The following NEK11 variants were observed in gnomAD, a reference collection of about 807,000 sequenced individuals.
The protein encoded by NEK11 is serine/threonine-protein kinase Nek11.
Under a neutral mutation model 80.7 loss-of-function variants are expected in NEK11, and 72 were observed. The observed-to-expected ratio is 0.89, with a 90% CI of 0.74 to 1.08. The LOEUF is 1.08. Ranked by LOEUF, NEK11 falls within the 50% of genes least tolerant of loss-of-function variation. The probability of loss-of-function intolerance (pLI) is 0.00; values close to 1 mark genes in which losing one functional copy is unlikely to be tolerated. For missense variants in NEK11, 764 were observed against 763.6 expected, an observed-to-expected ratio of 1.00 and a Z score of -0.01; for synonymous variants, 251 against 260.7, an observed-to-expected ratio of 0.96 and a Z score of 0.36.
intron 17 of NEK11, among the ~76,000 whole-genome samples, chr3:131,318,595 A>G (rs1005574251): frequency 1.7e-4 from 26 of 152,102 alleles, no homozygotes; most frequent in Admixed American, 8.5e-4. Flanking sequence ...CTGTCCTGGC[A>G]TTAAAAAGAA....
At chr3:131,241,859 G>A (rs1363636809) in intron 15 of NEK11, among the ~76,000 whole-genome samples, 1 of 152,072 alleles carries the variant, frequency 6.6e-6, no homozygotes, top group African/African-American at 2.4e-5. Context: ...ATGTGTGTGT[G>A]TTTGTATTAA....
In NEK11 at chr3:131,034,425, A is replaced by T. The variant is rs186804352; in HGVS notation, c.170+4547A>T. On this transcript the variant is annotated intron_variant, in intron 3 of 17. Coordinates refer to ENST00000383366, the MANE Select transcript of NEK11 (RefSeq NM_024800.5). ...TTTAAATTTTTTTTTTTTGAGTCGGAGTCTCGATTTGTCACCCAGGCTGGA... is the reference window on the plus strand; with the variant it reads ...TTTAAATTTTTTTTTTTTGAGTCGGTGTCTCGATTTGTCACCCAGGCTGGA... Among the ~76,000 whole-genome samples the T allele has an allele frequency of 7.9e-4, 119 of 151,298 alleles. 2 individuals are homozygous for T. The highest frequency in any genetic ancestry group is 7.8e-3 in the Admixed American group (119 of 15,206).
chr3:131,165,143 G>A (rs2092080592), intron 11 of NEK11: 2 of 333,272 alleles, frequency 6.0e-6, no homozygotes, highest in Admixed American at 8.8e-5. Context: ...ACATAGCCCT[G>A]TCATTGCACT....
chr3:131,186,906 A>G (rs2150232778), intron 14 of NEK11, among the ~76,000 whole-genome samples: 1 of 152,306 alleles, frequency 6.6e-6, no homozygotes, highest in East Asian at 1.9e-4. Flanking sequence ...GGGATTTGTT[A>G]TCCACTCTAC....
chr3:131,124,081 G>A (rs746416860), intron 5 of NEK11, among the ~76,000 whole-genome samples: 5 of 152,106 alleles, frequency 3.3e-5, no homozygotes, highest in South Asian at 4.2e-4. Flanking sequence ...ACACGACCAC[G>A]TATCCCGCCT....
intron 10 of NEK11, among the ~76,000 whole-genome samples, chr3:131,159,220 A>G (rs1464615168): frequency 2.0e-5 from 3 of 152,174 alleles, no homozygotes; most frequent in Non-Finnish European, 4.4e-5. Context: ...AACTCAAAAA[A>G]CCAGACTGCC....
In NEK11 at chr3:131,120,957, C is replaced by T. The variant is rs533573069; in HGVS notation, c.455+11036C>T. Among the ~76,000 whole-genome samples, 33 of 152,158 alleles carry T rather than the reference C, an allele frequency of 2.2e-4. No individual in the cohort carries two copies. In the South Asian group the frequency reaches 6.8e-3, roughly 32 times the overall value. On this transcript the variant is annotated intron_variant, in intron 5 of 17. Transcript: ENST00000383366. The stretch of plus-strand genomic sequence containing the variant: ...TTTAGCTCGGGGAAGTTTGTTATTA[C>T]CTATCGGCTGAACCCTTCTTCTCTC...
At chr3:131,225,500 A>T (rs2095166232) in intron 14 of NEK11, among the ~76,000 whole-genome samples, 1 of 152,218 alleles carries the variant, frequency 6.6e-6, no homozygotes, top group Non-Finnish European at 1.5e-5. Context: ...CTTATTTGAT[A>T]CATACTTTGC....
chr3:131,044,451 G>T (rs541389532), intron 3 of NEK11, among the ~76,000 whole-genome samples: 80 of 149,328 alleles, frequency 5.4e-4, no homozygotes, highest in African/African-American at 1.8e-3. Flanking sequence ...AAAGGTGGGG[G>T]GGGGGGTTGG....
chr3:131,108,039 A>G (rs920392653), intron 4 of NEK11, among the ~76,000 whole-genome samples: 2 of 152,148 alleles, frequency 1.3e-5, no homozygotes, highest in African/African-American at 2.4e-5. Context: ...TCAATTCGCC[A>G]TATTTTTGAA....
chr3:131,117,306 G>C (rs2081418051), intron 5 of NEK11, among the ~76,000 whole-genome samples: 1 of 152,176 alleles, frequency 6.6e-6, no homozygotes, highest in Non-Finnish European at 1.5e-5. Flanking sequence ...TATTATTTCT[G>C]AGGGCTCTGT....
At chr3:131,221,948 G>A (rs891911316) in intron 14 of NEK11, among the ~76,000 whole-genome samples, 2 of 152,116 alleles carry the variant, frequency 1.3e-5, no homozygotes, top group Non-Finnish European at 2.9e-5. Flanking sequence ...TGATTCTGAG[G>A]CACACTCAAG....
rs201601062 is a variant in NEK11, at chr3:131,116,735, A to G, written c.455+6814A>G. 3.3e-5 allele frequency among the ~76,000 whole-genome samples: 5 copies of G among 152,298 alleles called. No homozygotes were observed. In the East Asian group the frequency reaches 9.6e-4, roughly 29 times the overall value. ...ATTTCTCTGATGGCCAGTGATGATG[A>G]GCATTTTTTCATGTGTCTTTTGGCT... is the stretch of plus-strand genomic sequence containing the variant. On this transcript the variant is annotated intron_variant, in intron 5 of 17. Transcript: ENST00000383366.
intron 16 of NEK11, among the ~76,000 whole-genome samples, chr3:131,244,611 G>C (rs2095568751): frequency 1.3e-5 from 2 of 151,966 alleles, no homozygotes; most frequent in African/African-American, 2.4e-5. Flanking sequence ...TGCAGCAGAG[G>C]CTCTTTAAAA....
intron 5 of NEK11, 22 bp downstream of exon 5, chr3:131,109,943 G>A (rs1394193531): frequency 1.3e-6 from 2 of 1,571,424 alleles, no homozygotes; most frequent in Non-Finnish European, 1.7e-6. Flanking sequence ...TGCTACTGGG[G>A]GAGCATGATA....
In NEK11 at chr3:131,071,755, A is replaced by C. The variant is rs183397231; in HGVS notation, c.171-8668A>C. 5.9e-5 allele frequency among the ~76,000 whole-genome samples: 9 copies of C among 152,066 alleles called. No homozygotes were observed. The East Asian group carries it at 1.4e-3, about 23-fold the overall frequency. ...CAATAGGTTCATTTCTGTGTAGTTC[A>C]CTGTAGTTCATTTTGTCATGATTTT... On this transcript the variant is annotated intron_variant, in intron 3 of 17. Transcript: ENST00000383366.
chr3:131,230,996 T>C (rs998437106), intron 15 of NEK11, among the ~76,000 whole-genome samples: 1 of 152,148 alleles, frequency 6.6e-6, no homozygotes, highest in Non-Finnish European at 1.5e-5. Flanking sequence ...AGGTAAGACA[T>C]GGCTTTCACC....
intron 7 of NEK11, among the ~76,000 whole-genome samples, chr3:131,136,196 C>T (rs1418927191): frequency 6.6e-6 from 1 of 152,110 alleles, no homozygotes. Flanking sequence ...ATCATCCTGA[C>T]CCTAAATAAC....
chr3:131,142,432 T>C (rs1352218241), intron 7 of NEK11, among the ~76,000 whole-genome samples: 1 of 150,590 alleles, frequency 6.6e-6, no homozygotes, highest in Non-Finnish European at 1.5e-5. Flanking sequence ...GTTCTGTCCA[T>C]CATAAAAGAG....
Sources: allele counts gnomAD v4.1 joint callset (sites outside exome capture counted in the v4.1 genomes callset), GRCh38; gene constraint gnomAD v4.1.1; transcripts MANE v1.5; gene names NCBI Gene and HGNC (gene_info 2026-07-23, HGNC 2026-07-21).